The following CARS2 variants were observed in gnomAD, a reference collection of about 807,000 sequenced individuals.
CARS2 encodes the protein probable cysteine--tRNA ligase, mitochondrial.
CARS2 carries 52 observed loss-of-function variants against 68.8 expected under a neutral mutation model. That is an observed-to-expected ratio of 0.76 (90% CI 0.61 to 0.95). The LOEUF (loss-of-function observed/expected upper bound fraction) is 0.95. Ranked by LOEUF, CARS2 falls within the 40% of genes least tolerant of loss-of-function variation. CARS2 has a pLI of 0.00. For missense variants in CARS2, 780 were observed against 754.2 expected, an observed-to-expected ratio of 1.03 and a Z score of -0.40; for synonymous variants, 314 against 303.6, an observed-to-expected ratio of 1.03 and a Z score of -0.36.
intron 6 of CARS2, among the ~76,000 whole-genome samples, chr13:110,680,520 A>G (rs1443032426): frequency 6.6e-6 from 1 of 152,232 alleles, no homozygotes; most frequent in East Asian, 1.9e-4. Flanking sequence ...CTGCTGACAC[A>G]CAGAGGCAGA....
At chr13:110,698,466 G>A (rs538902625) in intron 3 of CARS2, among the ~76,000 whole-genome samples, 2 of 151,946 alleles carry the variant, frequency 1.3e-5, no homozygotes, top group African/African-American at 4.8e-5. Context: ...GTTGCAGTGA[G>A]CGGAGATAGC....
At chr13:110,643,975 C>T in intron 13 of CARS2, 2 of 512,602 alleles carry the variant, frequency 3.9e-6, no homozygotes, top group Non-Finnish European at 6.2e-6. Context: ...TGTCGGGGAG[C>T]CCGTCCTGTC....
upstream of CARS2, among the ~76,000 whole-genome samples, chr13:110,710,008 G>A (rs953505132): frequency 6.6e-6 from 1 of 152,098 alleles, no homozygotes; most frequent in Non-Finnish European, 1.5e-5. Flanking sequence ...AGTTGATTAC[G>A]GTAGCATATG....
At chr13:110,655,965 T>C (rs1238606530) in intron 9 of CARS2, among the ~76,000 whole-genome samples, 1 of 152,240 alleles carries the variant, frequency 6.6e-6, no homozygotes, top group Admixed American at 6.5e-5. Flanking sequence ...ATGCTCTCTT[T>C]AGTGTTAATG....
intron 8 of CARS2, chr13:110,666,158 G>A: frequency 2.0e-6 from 2 of 985,390 alleles, no homozygotes; most frequent in Non-Finnish European, 1.2e-6. Flanking sequence ...GTGGAAATCA[G>A]TGCTCGGCTC....
rs1162637309 is a variant in CARS2, at chr13:110,705,342, G to GT, written c.275+178dup. ...GAGTTTCCTCACCTGTAAAACGGGT[G>GT]TAAGTGCTCAGAATCCCTATAAGAA... On this transcript the variant is annotated intron_variant, in intron 2 of 14. Transcript: ENST00000257347. This position sits in a 1 kb window ranked among gnomAD's most constrained non-coding sequence, Gnocchi z 4.0. Among the ~76,000 whole-genome samples, 2 of 152,222 alleles carry GT rather than the reference G, an allele frequency of 1.3e-5. No homozygotes were observed. The highest frequency in any genetic ancestry group is 4.8e-5 in the African/African-American group (2 of 41,456).
At position 110,642,404 on chromosome 13, in the gene CARS2, G is replaced by A. The variant is rs199527718; in HGVS notation, c.1534C>T (p.Arg512Trp). ...LAMPEATGDA[R>W]RQQLLERQPL... is the part of the protein sequence containing the mutation. ...TGCCTTTCTAGGAGCTGCTGCCGCC[G>A]GGCGTCCCCCGTGGCCTCGGGCATG... Residue 512 changes from arginine (R) to tryptophan (W), a missense_variant, in exon 14 of 15, where the codon CGG (arginine) becomes TGG (tryptophan). By Grantham distance (101) the Arg-to-Trp change is moderately radical (BLOSUM62 -3). Coordinates refer to ENST00000257347, the MANE Select transcript of CARS2 (RefSeq NM_024537.4). The A allele has an allele frequency of 8.8e-6, 14 of 1,583,740 alleles. No individual in the cohort carries two copies. Among genetic ancestry groups the A allele is most frequent in the South Asian group, 5.7e-5 (5 of 87,190 alleles).
In CARS2 at chr13:110,665,309, G is replaced by T; in HGVS notation, c.920-1791C>A. 1 of 595,680 alleles carries T rather than the reference G, an allele frequency of 1.7e-6. No individual in the cohort carries two copies. Among genetic ancestry groups the T allele is most frequent in the Non-Finnish European group, 2.1e-6 (1 of 474,004 alleles). 36.9% of individuals were successfully genotyped at this position (595,680 alleles called of 1,614,324 possible). A position where few individuals can be genotyped will look rare whatever the true frequency, so the allele number is the denominator to read the frequency against. On this transcript the variant is annotated intron_variant, in intron 8 of 14. Transcript: ENST00000257347. This position sits in a 1 kb window ranked among gnomAD's most constrained non-coding sequence, Gnocchi z 4.3. Reference sequence around the variant, plus strand: ...AAAAATACAAAAATTAGCTGGGTATGGTGGTATGCACCTGTAGTCGCAGCT... The same window carrying T: ...AAAAATACAAAAATTAGCTGGGTATTGTGGTATGCACCTGTAGTCGCAGCT...
chr13:110,664,826 C>T, intron 8 of CARS2: 9 of 348,908 alleles, frequency 2.6e-5, no homozygotes, highest in Non-Finnish European at 3.6e-5. Context: ...ACAGAGGCCC[C>T]TCGAGAGCTG....
At chr13:110,696,413 C>T (rs9583528) in intron 3 of CARS2, among the ~76,000 whole-genome samples, 20,758 of 152,202 alleles carry the variant, frequency 0.14, 2,159 homozygotes, top group African/African-American at 0.28. Context: ...CCTATTTCTC[C>T]ACATCCTCGC....
chr13:110,687,298 C>T (rs1335564086), intron 5 of CARS2, among the ~76,000 whole-genome samples: 1 of 152,172 alleles, frequency 6.6e-6, no homozygotes, highest in South Asian at 2.1e-4. Context: ...CCTAGCAAGA[C>T]AGAAGTAAAT....
At chr13:110,649,881 C>T (rs2062153690) in intron 10 of CARS2, among the ~76,000 whole-genome samples, 1 of 150,726 alleles carries the variant, frequency 6.6e-6, no homozygotes, top group Admixed American at 6.6e-5. Context: ...AGGGCAGTAT[C>T]ACTGTCCCCA....
At position 110,686,535 on chromosome 13, in the gene CARS2, C is replaced by A. The variant is rs558661488; in HGVS notation, c.571+1186G>T. ...GTGCTGGGATTATAGGTATCAGCCA[C>A]CACGCCCAGCCCTGCAACTCACTTT... On this transcript the variant is annotated intron_variant, in intron 5 of 14. Coordinates refer to ENST00000257347, the MANE Select transcript of CARS2 (RefSeq NM_024537.4). Among the ~76,000 whole-genome samples, 66 of 152,066 alleles carry A rather than the reference C, an allele frequency of 4.3e-4. 1 individual carries two copies. The South Asian group carries it at 0.013, about 30-fold the overall frequency.
rs370661496 is a variant in CARS2, at chr13:110,653,358, A to AT, written c.988-2259dup. 4.5e-4 allele frequency among the ~76,000 whole-genome samples: 69 copies of AT among 152,162 alleles called. No homozygotes were observed. The highest frequency in any genetic ancestry group is 1.6e-3 in the African/African-American group (68 of 41,516). On this transcript the variant is annotated intron_variant, in intron 9 of 14. Transcript: ENST00000257347. The surrounding 1 kb of genome is among the most constrained non-coding windows in gnomAD (Gnocchi z 5.6). ...AGGAATATTACTCCTGGGTCCTCTA[A>AT]TTCGCAACTCGCAGGCTTACTTGAC...
At chr13:110,669,167 A>G (rs894929912) in intron 7 of CARS2, among the ~76,000 whole-genome samples, 4 of 152,182 alleles carry the variant, frequency 2.6e-5, no homozygotes, top group African/African-American at 9.6e-5. Context: ...GTGGGGGCTT[A>G]GCAGAAAAGG....
intron 1 of CARS2, chr13:110,712,867 A>G: frequency 2.3e-6 from 3 of 1,304,756 alleles, no homozygotes; most frequent in Non-Finnish European, 2.1e-6. Context: ...TTTGTCTCCA[A>G]GCCGTTCCAA....
chr13:110,696,913 C>T (rs1472915609), intron 3 of CARS2, among the ~76,000 whole-genome samples: 1 of 152,202 alleles, frequency 6.6e-6, no homozygotes, highest in African/African-American at 2.4e-5. Context: ...TCCTGCCCCA[C>T]CTTCCCCATC....
intron 7 of CARS2, among the ~76,000 whole-genome samples, chr13:110,673,835 C>A (rs1237817269): frequency 6.6e-6 from 1 of 152,140 alleles, no homozygotes; most frequent in African/African-American, 2.4e-5. Flanking sequence ...AGCCCAAAAT[C>A]TCCTTAAGCT....
chr13:110,710,928 T>C (rs2064021602), upstream of CARS2, among the ~76,000 whole-genome samples: 1 of 118,182 alleles, frequency 8.5e-6, no homozygotes, highest in African/African-American at 2.7e-5. Context: ...GATTGTACTG[T>C]GTTGTGATTT....
Sources: gnomAD v4.1 joint callset for allele counts (sites outside exome capture counted in the v4.1 genomes callset) on GRCh38, gnomAD v4.1.1 for gene constraint, Gnocchi (gnomAD v3.1) non-coding constraint, MANE v1.5 for transcripts, NCBI Gene and HGNC (gene_info 2026-07-23, HGNC 2026-07-21) for gene names.